ARHGAP35: variants seen among roughly 807,000 people sequenced by gnomAD.
ARHGAP35 encodes the protein Rho GTPase activating protein 35.
ARHGAP35 carries 15 observed loss-of-function variants against 111.1 expected under a neutral mutation model. The ratio of observed to expected loss-of-function variants is 0.13; its 90% CI spans 0.09 to 0.21. The LOEUF is 0.21. Ranked by LOEUF, ARHGAP35 falls within the 10% of genes least tolerant of loss-of-function variation. The probability of loss-of-function intolerance (pLI) is 1.00; values close to 1 mark genes in which losing one functional copy is unlikely to be tolerated. For missense variants in ARHGAP35, 1,262 were observed against 1,873.0 expected (o/e 0.67, Z 6.02); for synonymous variants, 643 against 710.3 (o/e 0.91, Z 1.51).
chr19:46,878,466 A>G (rs1363500197), intron 1 of ARHGAP35, among the ~76,000 whole-genome samples: 1 of 151,924 alleles, frequency 6.6e-6, no homozygotes, highest in Non-Finnish European at 1.5e-5. Flanking sequence ...AGAGATGCGC[A>G]CACTACCACG....
intron 1 of ARHGAP35, among the ~76,000 whole-genome samples, chr19:46,911,390 A>C (rs540983980): frequency 1.6e-4 from 24 of 152,366 alleles, no homozygotes; most frequent in African/African-American, 5.5e-4. Context: ...CAGCAAAGAC[A>C]GTACCCATTC....
chr19:46,866,043 G>T (rs1407255472), intron 1 of ARHGAP35, among the ~76,000 whole-genome samples: 1 of 152,142 alleles, frequency 6.6e-6, no homozygotes, highest in Non-Finnish European at 1.5e-5. Context: ...GTTTCACCAT[G>T]TTGGCCAGGC....
In ARHGAP35 at chr19:47,001,737, GGTGTGTGTGCACATGTGAGTGTGA is replaced by G. The variant is rs1055279163; in HGVS notation, c.*1059_*1082del. On this transcript the variant is annotated 3_prime_UTR_variant, in exon 7 of 7. Coordinates refer to ENST00000672722, the MANE Select transcript of ARHGAP35 (RefSeq NM_004491.5). This position sits in a 1 kb window ranked among gnomAD's most constrained non-coding sequence, Gnocchi z 5.4. Reference sequence around the variant, plus strand: ...TAATTGAGCATGTGCGTGGGGTGGGGGTGTGTGTGCACATGTGAGTGTGAGTGTGTGTGGGCGCTTGGTGGGGGG... The same window carrying G: ...TAATTGAGCATGTGCGTGGGGTGGGGGTGTGTGTGGGCGCTTGGTGGGGGG... 1.3e-5 allele frequency: 4 copies of G among 313,734 alleles called. No individual in the cohort carries two copies. The highest frequency in any genetic ancestry group is 8.3e-5 in the East Asian group (1 of 12,020). The allele number at this position is 313,734 out of a possible 1,614,324, so 19.4% of individuals were successfully genotyped here.
chr19:46,958,536 T>C (rs1203516701), intron 3 of ARHGAP35, among the ~76,000 whole-genome samples: 3 of 152,226 alleles, frequency 2.0e-5, no homozygotes, highest in African/African-American at 7.2e-5. Context: ...AAATATTTTA[T>C]GTGTGGATGA....
rs186605784 is a variant in ARHGAP35, at chr19:46,997,144, G to A, written c.4037-2160G>A. 2.7e-3 allele frequency among the ~76,000 whole-genome samples: 411 copies of A among 152,244 alleles called. 2 individuals are homozygous for A. Among genetic ancestry groups the A allele is most frequent in the Non-Finnish European group, 4.0e-3 (274 of 68,020 alleles). On this transcript the variant is annotated intron_variant, in intron 5 of 6. Transcript: ENST00000672722. ...TGCACTCCAGCCTGGGCAACAGAGC[G>A]AGACTCCATTTCAAAAAAAGAAAAA...
chr19:46,918,976 G>T lies in ARHGAP35; in HGVS notation c.301G>T (p.Asp101Tyr). ...MHIVEQTEFIDDQTFQPHRST... is the reference protein window; with the variant it reads ...MHIVEQTEFIYDQTFQPHRST... ...CATTGTGGAGCAGACTGAATTTATTGATGATCAGACTTTTCAACCTCATCG... is the reference window on the plus strand; with the variant it reads ...CATTGTGGAGCAGACTGAATTTATTTATGATCAGACTTTTCAACCTCATCG... Residue 101 changes from aspartate (D) to tyrosine (Y), a missense_variant, in exon 2 of 7, where the codon GAT becomes TAT. By Grantham distance (160) the Asp-to-Tyr change is radical (BLOSUM62 -3). Transcript: ENST00000672722. This position sits in a 1 kb window ranked among gnomAD's most constrained non-coding sequence, Gnocchi z 5.4. 6.2e-7 allele frequency: 1 copy of T among 1,613,978 alleles called. No individual in the cohort carries two copies.
At chr19:46,978,538 ATGTGTGTGTGTGGTGAGG>A (rs2056591979) in intron 3 of ARHGAP35, among the ~76,000 whole-genome samples, 18 of 69,652 alleles carry the variant, frequency 2.6e-4, no homozygotes, top group South Asian at 5.5e-4. Context: ...GTGTGGTGGG[ATGTGTGTGTGTGGTGAGG>A]TGTGTGTGTG....
chr19:46,976,210 C>CTTTTTTT (rs772367746), intron 3 of ARHGAP35, among the ~76,000 whole-genome samples: 1 of 118,706 alleles, frequency 8.4e-6, no homozygotes, highest in Non-Finnish European at 1.7e-5. Context: ...AAGCTTTCTC[C>CTTTTTTT]TTTTTTTTTT....
In ARHGAP35 at chr19:46,881,485, G is replaced by A. The variant is rs555853443; in HGVS notation, c.-189+20276G>A. On this transcript the variant is annotated intron_variant, in intron 1 of 6. Transcript: ENST00000672722. ...TACATCTCCATCAGAGCTTTTGGAT[G>A]ACTAGGTGCCTTGTCAATGAGCAGT... 5.9e-5 allele frequency among the ~76,000 whole-genome samples: 9 copies of A among 152,308 alleles called. No individual in the cohort carries two copies. The East Asian group carries it at 1.3e-3, about 23-fold the overall frequency.
chr19:46,933,044 A>G (rs2056282026), intron 2 of ARHGAP35, among the ~76,000 whole-genome samples: 1 of 151,834 alleles, frequency 6.6e-6, no homozygotes, highest in South Asian at 2.1e-4. Context: ...CTCTTTGCCA[A>G]TTTAAAGTTC....
At position 46,920,775 on chromosome 19, in the gene ARHGAP35, A is replaced by G; in HGVS notation, c.2100A>G (p.Leu700=). The G allele has an allele frequency of 6.2e-7, 1 of 1,608,840 alleles. No homozygotes were observed. The highest frequency in any genetic ancestry group is 8.5e-7 in the Non-Finnish European group (1 of 1,177,322). The change falls in exon 2 of 7, where the codon TTA becomes TTG. Residue 700 remains leucine (L), a synonymous_variant. Coordinates refer to ENST00000672722, the MANE Select transcript of ARHGAP35 (RefSeq NM_004491.5). The surrounding 1 kb of genome is among the most constrained non-coding windows in gnomAD (Gnocchi z 7.0). Reference sequence around the variant, plus strand: ...ATTTAGTCCATCTCCCCCTTACATTAATTTTGGTTAACAAGAGAGGAGACA... The same window carrying G: ...ATTTAGTCCATCTCCCCCTTACATTGATTTTGGTTAACAAGAGAGGAGACA... The part of the protein sequence containing the change: ...DNHLVHLPLT[L]ILVNKRGDTS...
Position 46,923,102 on chromosome 19 carries a change from C to CTTTT in ARHGAP35, c.3681+763_3681+766dup, listed in dbSNP as rs397976247. ...GTAGAGACAGGAGCAAATGAAGTCT[C>CTTTT]TTTTTTTTTTTTTTTTTTTTGAGAC... On this transcript the variant is annotated intron_variant, in intron 2 of 6. Transcript: ENST00000672722. Among the ~76,000 whole-genome samples, 20 of 123,642 alleles carry CTTTT rather than the reference C, an allele frequency of 1.6e-4. 1 individual carries two copies. The highest frequency in any genetic ancestry group is 4.5e-4 in the African/African-American group (14 of 31,404). 81.1% of individuals were successfully genotyped at this position (123,642 alleles called of 152,430 possible).
chr19:46,954,408 T>C (rs142561921), intron 3 of ARHGAP35, among the ~76,000 whole-genome samples: 228 of 152,186 alleles, frequency 1.5e-3, no homozygotes, highest in African/African-American at 5.3e-3. Flanking sequence ...AACACAGCAA[T>C]TGGGTCAGCA....
At position 47,004,735 on chromosome 19, in the gene ARHGAP35, G is replaced by A. The variant is rs1357367275; in HGVS notation, c.*4047G>A. Reference sequence around the variant, plus strand: ...CCCAAAATTCTGTTTCGCAGCAAAAGTGAAGACCTGTATGTAAAGAAAGTA... The same window carrying A: ...CCCAAAATTCTGTTTCGCAGCAAAAATGAAGACCTGTATGTAAAGAAAGTA... On this transcript the variant is annotated 3_prime_UTR_variant, in exon 7 of 7. Transcript: ENST00000672722. 1 of 152,602 alleles carries A rather than the reference G, an allele frequency of 6.6e-6. No individual in the cohort carries two copies. Among genetic ancestry groups the A allele is most frequent in the Admixed American group, 6.5e-5 (1 of 15,294 alleles). The allele number at this position is 152,602 out of a possible 1,614,324, so 9.5% of individuals were successfully genotyped here.
Position 46,992,373 on chromosome 19 carries a change from G to T in ARHGAP35, c.4036+2698G>T, listed in dbSNP as rs1176954753. On this transcript the variant is annotated intron_variant, in intron 5 of 6. Coordinates refer to ENST00000672722, the MANE Select transcript of ARHGAP35 (RefSeq NM_004491.5). This position sits in a 1 kb window ranked among gnomAD's most constrained non-coding sequence, Gnocchi z 4.4. ...AAGACAGAGCAAAGCTGAGCTTGAA[G>T]TGCACAAACCCCAGCAAGGAAGGCG... Among the ~76,000 whole-genome samples, 1 of 152,210 alleles carries T rather than the reference G, an allele frequency of 6.6e-6. No individual in the cohort carries two copies. Among genetic ancestry groups the T allele is most frequent in the African/African-American group, 2.4e-5 (1 of 41,442 alleles).
intron 1 of ARHGAP35, among the ~76,000 whole-genome samples, chr19:46,906,864 G>A (rs901008905): frequency 4.6e-5 from 7 of 152,124 alleles, no homozygotes; most frequent in East Asian, 1.9e-4. Flanking sequence ...TGAGGTAGGC[G>A]GATCACATGA....
At chr19:46,875,804 G>A (rs1275683626) in intron 1 of ARHGAP35, among the ~76,000 whole-genome samples, 1 of 152,166 alleles carries the variant, frequency 6.6e-6, no homozygotes, top group Non-Finnish European at 1.5e-5. Flanking sequence ...TTTTGGATCA[G>A]TGGAGTGGCA....
chr19:46,906,702 A>T (rs1258848279), intron 1 of ARHGAP35, among the ~76,000 whole-genome samples: 1 of 152,238 alleles, frequency 6.6e-6, no homozygotes, highest in African/African-American at 2.4e-5. Context: ...TGCAGTAGAT[A>T]AAATAAAAGC....
At position 46,989,851 on chromosome 19, in the gene ARHGAP35, G is replaced by C. The variant is rs1051069538; in HGVS notation, c.4036+176G>C. ...ACTTGCAAATCGGGCTCCTGCCCTTGTAGACCTTAGGTGCTTATCTGAGGG... is the reference window on the plus strand; with the variant it reads ...ACTTGCAAATCGGGCTCCTGCCCTTCTAGACCTTAGGTGCTTATCTGAGGG... On this transcript the variant is annotated intron_variant, in intron 5 of 6. Transcript: ENST00000672722. The surrounding 1 kb of genome is among the most constrained non-coding windows in gnomAD (Gnocchi z 5.3). Among the ~76,000 whole-genome samples, 1 of 152,190 alleles carries C rather than the reference G, an allele frequency of 6.6e-6. No homozygotes were observed. The highest frequency in any genetic ancestry group is 2.4e-5 in the African/African-American group (1 of 41,458).
Sources: gnomAD v4.1 joint callset for allele counts (sites outside exome capture counted in the v4.1 genomes callset) on GRCh38, gnomAD v4.1.1 for gene constraint, Gnocchi (gnomAD v3.1) non-coding constraint, MANE v1.5 for transcripts, NCBI Gene and HGNC (gene_info 2026-07-23, HGNC 2026-07-21) for gene names.